Variants in HCN2 observed in about 807,000 individuals in gnomAD.
The protein encoded by HCN2 is potassium/sodium hyperpolarization-activated cyclic nucleotide-gated channel 2.
Under a neutral mutation model 52.3 loss-of-function variants are expected in HCN2, and 20 were observed. The ratio of observed to expected loss-of-function variants is 0.38; its 90% CI spans 0.27 to 0.56. The LOEUF (loss-of-function observed/expected upper bound fraction) is 0.56. Ranked by LOEUF, HCN2 falls within the 20% of genes least tolerant of loss-of-function variation. The pLI, the probability that HCN2 is intolerant of heterozygous loss-of-function variation, is 0.71. For synonymous variants in HCN2, 694 were observed against 537.0 expected (o/e 1.29, Z -4.04); for missense variants, 981 against 1,207.7 (o/e 0.81, Z 2.78).
intron 7 of HCN2, among the ~76,000 whole-genome samples, chr19:614,794 C>T (rs191804244): frequency 5.5e-4 from 83 of 151,928 alleles, no homozygotes; most frequent in African/African-American, 1.8e-3. Flanking sequence ...AGGAGGGAGA[C>T]GGTGACCTGG....
At chr19:608,851 C>T (rs1420672679) in intron 4 of HCN2, among the ~76,000 whole-genome samples, 1 of 152,178 alleles carries the variant, frequency 6.6e-6, no homozygotes, top group Non-Finnish European at 1.5e-5. Context: ...AAGGCTGCCC[C>T]ACTGCTCAGA....
rs746420784 is a variant in HCN2, at chr19:610,364, G to T, written c.1543G>T (p.Glu515Ter). The T allele has an allele frequency of 6.2e-7, 1 of 1,613,718 alleles. No homozygotes were observed. Among genetic ancestry groups the T allele is most frequent in the African/African-American group, 1.3e-5 (1 of 75,040 alleles). Reference sequence around the variant, plus strand: ...CCGTTACCAGGGCAAGATGTTTGACGAGGACAGCATCCTGGGCGAGCTCAA... The same window carrying T: ...CCGTTACCAGGGCAAGATGTTTGACTAGGACAGCATCCTGGGCGAGCTCAA... Reference protein sequence around the residue: ...EHRYQGKMFDEDSILGELNGP... With the variant: ...EHRYQGKMFD The change falls in exon 5 of 8, where the codon GAG becomes TAG. Residue 515 changes from glutamate (E) to a stop codon, truncating the protein, a stop_gained. Transcript: ENST00000251287. LOFTEE classifies it high-confidence loss of function.
At chr19:595,082 G>T (rs1982984955) in intron 1 of HCN2, among the ~76,000 whole-genome samples, 1 of 151,796 alleles carries the variant, frequency 6.6e-6, no homozygotes, top group South Asian at 2.1e-4. Flanking sequence ...TGCACCTGTA[G>T]TCCCAGCTAC....
In HCN2 at chr19:613,758, C is replaced by T. The variant is rs1306191863; in HGVS notation, c.1826-94C>T. The T allele has an allele frequency of 2.4e-5, 32 of 1,307,608 alleles. No individual in the cohort carries two copies. The Admixed American group carries it at 1.2e-3, about 48-fold the overall frequency. The allele number at this position is 1,307,608 out of a possible 1,614,324, so 81.0% of individuals were successfully genotyped here. ...AGAGCCTGGGTGGGAAGCGCCCACG[C>T]TGGCCAAGGTGCAGAGGCCGGGCCG... On this transcript the variant is annotated intron_variant, in intron 6 of 7. Coordinates refer to ENST00000251287, the MANE Select transcript of HCN2 (RefSeq NM_001194.4).
chr19:590,401 G>A lies in HCN2; in HGVS notation c.456G>A (p.Ala152=). The A allele has an allele frequency of 7.5e-7, 1 of 1,328,468 alleles. No individual in the cohort carries two copies. The highest frequency in any genetic ancestry group is 9.7e-7 in the Non-Finnish European group (1 of 1,027,856). The allele number at this position is 1,328,468 out of a possible 1,614,324, so 82.3% of individuals were successfully genotyped here. ...CGGGCAGCGAGGAGGCGGGCCCGGC[G>A]GGGGAGCCGCGCGGCAGCCAGGCCA... is the stretch of plus-strand genomic sequence containing the variant. ...EEAGSEEAGP[A]GEPRGSQASF... The change falls in exon 1 of 8, where the codon GCG becomes GCA. Residue 152 remains alanine (A), a synonymous_variant. Coordinates refer to ENST00000251287, the MANE Select transcript of HCN2 (RefSeq NM_001194.4). The surrounding 1 kb of genome is among the most constrained non-coding windows in gnomAD (Gnocchi z 7.2).
At chr19:610,921 C>G (rs551402478) in intron 5 of HCN2, among the ~76,000 whole-genome samples, 2 of 152,198 alleles carry the variant, frequency 1.3e-5, no homozygotes, top group African/African-American at 4.8e-5. Context: ...GCTACCCCCC[C>G]GGAGCCCCTG....
chr19:607,254 G>C (rs1983455863), intron 3 of HCN2, among the ~76,000 whole-genome samples: 2 of 152,398 alleles, frequency 1.3e-5, no homozygotes, highest in Admixed American at 6.5e-5. Context: ...AGAAGGGTTA[G>C]TTATGGGAGC....
At position 613,504 on chromosome 19, in the gene HCN2, G is replaced by A. The variant is rs1021837507; in HGVS notation, c.1825+16G>A. The A allele has an allele frequency of 9.0e-6, 14 of 1,555,750 alleles. No homozygotes were observed. Among genetic ancestry groups the A allele is most frequent in the Non-Finnish European group, 1.1e-5 (13 of 1,137,778 alleles). ...TACTTCGGGGGTGAGCTTGAGGGGG[G>A]CGCGCCTGGAGGGGGAGGGGGCACG... On this transcript the variant is annotated intron_variant, in intron 6 of 7. Transcript: ENST00000251287.
intron 1 of HCN2, among the ~76,000 whole-genome samples, chr19:597,143 C>T (rs1033823439): frequency 4.6e-5 from 7 of 152,234 alleles, no homozygotes; most frequent in African/African-American, 1.4e-4. Context: ...CCCACCTGTC[C>T]CTTCTCCTAG....
chr19:613,645 GGGGAT>G (rs1983756897), intron 6 of HCN2, among the ~76,000 whole-genome samples, 157 bp downstream of exon 6: 3 of 74,014 alleles, frequency 4.1e-5, no homozygotes, highest in South Asian at 6.1e-4. Flanking sequence ...GGCCGGGGAT[GGGGAT>G]GGGGATGGGG....
At chr19:598,294 C>T (rs1983099221) in intron 1 of HCN2, among the ~76,000 whole-genome samples, 1 of 152,040 alleles carries the variant, frequency 6.6e-6, no homozygotes. Flanking sequence ...CCCCTCCCCA[C>T]CCCGAGATCA....
chr19:592,079 T>C lies in HCN2; in HGVS notation c.632+1502T>C, dbSNP rs1482487985. Among the ~76,000 whole-genome samples, 1 of 152,158 alleles carries C rather than the reference T, an allele frequency of 6.6e-6. No homozygotes were observed. The highest frequency in any genetic ancestry group is 2.4e-5 in the African/African-American group (1 of 41,428). ...GGGAGAGCTTGGTCAGCATCTGGGCTCTGGCCTGCGAAATGTGGACAGTGA... is the reference window on the plus strand; with the variant it reads ...GGGAGAGCTTGGTCAGCATCTGGGCCCTGGCCTGCGAAATGTGGACAGTGA... On this transcript the variant is annotated intron_variant, in intron 1 of 7. Coordinates refer to ENST00000251287, the MANE Select transcript of HCN2 (RefSeq NM_001194.4). This position sits in a 1 kb window ranked among gnomAD's most constrained non-coding sequence, Gnocchi z 4.8.
chr19:598,615 T>A (rs1167824793), intron 1 of HCN2, among the ~76,000 whole-genome samples: 2 of 151,990 alleles, frequency 1.3e-5, no homozygotes, highest in African/African-American at 2.4e-5. Flanking sequence ...CTTCCCTTCT[T>A]TTTTGAGACG....
Position 590,062 on chromosome 19 carries a change from GCCGCCCGCGCCC to G in HCN2, c.120_131del (p.Ala42_Pro45del). 1 of 637,030 alleles carries G rather than the reference GCCGCCCGCGCCC, an allele frequency of 1.6e-6. No individual in the cohort carries two copies. Among genetic ancestry groups the G allele is most frequent in the Non-Finnish European group, 1.9e-6 (1 of 522,430 alleles). The allele number at this position is 637,030 out of a possible 1,614,324, so 39.5% of individuals were successfully genotyped here. On this transcript the variant is annotated inframe_deletion, in exon 1 of 8. Transcript: ENST00000251287. This position sits in a 1 kb window ranked among gnomAD's most constrained non-coding sequence, Gnocchi z 7.2. ...CCCAACAGCAGCCGCCGCCGCCGCC[GCCGCCCGCGCCC>G]CCCCCGGGCCCCGGGCCCGCGCCCC...
rs556003051 is a variant in HCN2, at chr19:604,940, G to C, written c.1057-121G>C. On this transcript the variant is annotated intron_variant, in intron 2 of 7. Coordinates refer to ENST00000251287, the MANE Select transcript of HCN2 (RefSeq NM_001194.4). ...GCAGGGTGGGGCGGGGGTCCTGTGC[G>C]GGGCCTTGGATTTGGGGGAGGGGGC... 6.1e-5 allele frequency: 66 copies of C among 1,084,432 alleles called. No homozygotes were observed. The Admixed American group carries it at 1.1e-3, about 18-fold the overall frequency. 67.2% of individuals were successfully genotyped at this position (1,084,432 alleles called of 1,614,324 possible).
Position 590,063 on chromosome 19 carries a change from C to T in HCN2, c.118C>T (p.Pro40Ser). The stretch of plus-strand genomic sequence containing the variant: ...CCAACAGCAGCCGCCGCCGCCGCCG[C>T]CGCCCGCGCCCCCCCCGGGCCCCGG... Reference protein sequence around the residue: ...PPQQQPPPPPPPAPPPGPGPA... With the variant: ...PPQQQPPPPPSPAPPPGPGPA... Residue 40 changes from proline (P) to serine (S), a missense_variant, in exon 1 of 8, where the codon CCG (proline) becomes TCG (serine). Pro to Ser is a moderately conservative substitution (Grantham distance 74). Around this residue, in one of 6 missense-constraint regions of HCN2, gnomAD observed 215 missense variants for 179.4 expected, o/e 1.20. Transcript: ENST00000251287. This position sits in a 1 kb window ranked among gnomAD's most constrained non-coding sequence, Gnocchi z 7.2. The T allele has an allele frequency of 1.6e-6, 1 of 639,046 alleles. No individual in the cohort carries two copies. Among genetic ancestry groups the T allele is most frequent in the Non-Finnish European group, 1.9e-6 (1 of 521,842 alleles). The allele number at this position is 639,046 out of a possible 1,614,324, so 39.6% of individuals were successfully genotyped here. A position where few individuals can be genotyped will look rare whatever the true frequency, so the allele number is the denominator to read the frequency against.
chr19:613,578 C>G (rs931200914), intron 6 of HCN2, 90 bp downstream of exon 6: 2 of 219,554 alleles, frequency 9.1e-6, no homozygotes, highest in East Asian at 1.5e-4. Context: ...GGGCCGGGGC[C>G]GGGGATGGGG....
chr19:597,340 G>A (rs1046027113), intron 1 of HCN2, among the ~76,000 whole-genome samples: 3 of 152,238 alleles, frequency 2.0e-5, no homozygotes, highest in Non-Finnish European at 4.4e-5. Flanking sequence ...CAGAGGGGAG[G>A]TGTGGTACCT....
In HCN2 at chr19:613,578, CGGGGAT is replaced by C. The variant is rs1276999935; in HGVS notation, c.1825+113_1825+118del. 894 of 219,570 alleles carry C rather than the reference CGGGGAT, an allele frequency of 4.1e-3. 101 individuals are homozygous for C. The African/African-American group carries it at 0.046, about 11-fold the overall frequency. 13.6% of individuals were successfully genotyped at this position (219,570 alleles called of 1,614,324 possible). On this transcript the variant is annotated intron_variant, in intron 6 of 7. Transcript: ENST00000251287. ...AGGGGGCCGGGGCCGGGGCCGGGGC[CGGGGAT>C]GGGGATGGGGATGGGGATGGGGCCG...
Sources: allele counts gnomAD v4.1 joint callset (sites outside exome capture counted in the v4.1 genomes callset), GRCh38; gene constraint gnomAD v4.1.1; regional missense constraint gnomAD v4.1.1; non-coding constraint Gnocchi (gnomAD v3.1); transcripts MANE v1.5; gene names NCBI Gene and HGNC (gene_info 2026-07-23, HGNC 2026-07-21).